NHSL1: variants seen among roughly 807,000 people sequenced by gnomAD.
The protein encoded by NHSL1 is NHS-like protein 1.
NHSL1 carries 48 observed loss-of-function variants against 95.0 expected under a neutral mutation model. That is an observed-to-expected ratio of 0.51 (90% CI 0.40 to 0.64). NHSL1 has a LOEUF of 0.64. Ranked by LOEUF, NHSL1 falls within the 30% of genes least tolerant of loss-of-function variation. The probability of loss-of-function intolerance (pLI) is 0.00; values close to 1 mark genes in which losing one functional copy is unlikely to be tolerated. For synonymous variants in NHSL1, 783 were observed against 833.9 expected (o/e 0.94, Z 1.05); for missense variants, 1,971 against 2,077.7 (o/e 0.95, Z 1.00).
upstream of NHSL1, among the ~76,000 whole-genome samples, chr6:138,574,969 A>G (rs34782517): frequency 0.028 from 4,223 of 152,208 alleles, 168 homozygotes; most frequent in African/African-American, 0.095. Flanking sequence ...GCGCAATCTC[A>G]GCTCATCACA....
At chr6:138,454,697 G>A (rs12527787) in intron 3 of NHSL1, among the ~76,000 whole-genome samples, 20,237 of 152,252 alleles carry the variant, frequency 0.13, 1,364 homozygotes, top group Middle Eastern at 0.17. Flanking sequence ...AATAAAAGGC[G>A]TTTTAATAAA....
intron 1 of NHSL1, among the ~76,000 whole-genome samples, chr6:138,515,948 C>G (rs546330000): frequency 1.3e-5 from 2 of 152,302 alleles, no homozygotes; most frequent in South Asian, 4.1e-4. Flanking sequence ...TCTCACAGTC[C>G]CAGGCAAGTC....
At chr6:138,492,373 T>C (rs1583296352) in intron 2 of NHSL1, among the ~76,000 whole-genome samples, 1 of 152,310 alleles carries the variant, frequency 6.6e-6, no homozygotes, top group Non-Finnish European at 1.5e-5. Flanking sequence ...AAGCTTGCAG[T>C]AGCAAACCTC....
chr6:138,681,160 G>A (rs1785506785), intron 1 of NHSL1, among the ~76,000 whole-genome samples: 1 of 152,086 alleles, frequency 6.6e-6, no homozygotes, highest in Non-Finnish European at 1.5e-5. Context: ...TTATATATAT[G>A]AATGAAGAAG....
chr6:138,674,495 G>A (rs563812420), intron 1 of NHSL1, among the ~76,000 whole-genome samples: 1 of 152,208 alleles, frequency 6.6e-6, no homozygotes, highest in South Asian at 2.1e-4. Context: ...ACAGGCCCCA[G>A]TAAGTGTTGT....
intron 1 of NHSL1, among the ~76,000 whole-genome samples, chr6:138,513,154 C>T (rs1313671584): frequency 5.3e-5 from 8 of 152,138 alleles, no homozygotes; most frequent in Non-Finnish European, 1.0e-4. Context: ...CCATGCAAAA[C>T]CAGCTGTTGT....
intron 1 of NHSL1, among the ~76,000 whole-genome samples, chr6:138,602,585 T>G (rs563867407): frequency 6.6e-6 from 1 of 152,258 alleles, no homozygotes; most frequent in East Asian, 1.9e-4. Context: ...CTGACGATCC[T>G]GCCCATCTCA....
chr6:138,571,645 T>C (rs150104397), intron 1 of NHSL1: 11 of 1,470,644 alleles, frequency 7.5e-6, no homozygotes, highest in South Asian at 1.3e-5. Context: ...GGGGGAGTGA[T>C]AGAAACAAAG....
At chr6:138,647,607 T>TA (rs1317156561) in intron 1 of NHSL1, among the ~76,000 whole-genome samples, 2 of 151,274 alleles carry the variant, frequency 1.3e-5, no homozygotes, top group East Asian at 3.9e-4. Context: ...TCTCACTTTT[T>TA]TTTTTTTTTT....
At chr6:138,454,250 C>A (rs1777438607) in intron 3 of NHSL1, among the ~76,000 whole-genome samples, 1 of 152,162 alleles carries the variant, frequency 6.6e-6, no homozygotes, top group South Asian at 2.1e-4. Context: ...TAGTATTATT[C>A]TCTTTGTGTT....
intron 3 of NHSL1, among the ~76,000 whole-genome samples, chr6:138,448,855 C>T (rs1195916475): frequency 6.6e-6 from 1 of 152,078 alleles, no homozygotes; most frequent in East Asian, 1.9e-4. Flanking sequence ...GAGCTTGAGA[C>T]CAGCCTGAGC....
intron 5 of NHSL1, 108 bp from the exon 6 acceptor site, chr6:138,433,788 T>A: frequency 7.2e-7 from 1 of 1,392,294 alleles, no homozygotes. Context: ...TCTATTTGAT[T>A]TAATTTCCTT....
intron 2 of NHSL1, among the ~76,000 whole-genome samples, chr6:138,476,734 A>C (rs1779095527): frequency 6.6e-6 from 1 of 152,148 alleles, no homozygotes; most frequent in African/African-American, 2.4e-5. Context: ...AGGCTGAGGC[A>C]GGAGAATTGC....
chr6:138,532,788 C>T (rs1429970263), intron 1 of NHSL1, among the ~76,000 whole-genome samples: 1 of 152,118 alleles, frequency 6.6e-6, no homozygotes, highest in Non-Finnish European at 1.5e-5. Flanking sequence ...AGAAATTTTA[C>T]TCACGGCTAA....
rs189261017 is a variant in NHSL1 at position 138,649,986 on chromosome 6, C to A, written c.96+42490G>T. Among the ~76,000 whole-genome samples, 275 of 152,304 alleles carry A rather than the reference C, an allele frequency of 1.8e-3. 3 individuals carry two copies. The highest frequency in any genetic ancestry group is 2.2e-3 in the Non-Finnish European group (149 of 68,020). On this transcript the variant is annotated intron_variant, in intron 1 of 3. Coordinates refer to the NHSL1 transcript ENST00000491526. ...AGGTATGGGGATTCTGCCAACTCCC[C>A]ATTTCTCCCAACCTTTCCCAGGTCT...
Position 138,431,366 on chromosome 6 carries a change from G to T in NHSL1, c.2979C>A (p.Pro993=). Residue 993 remains proline, a synonymous_variant, in exon 6 of 8, where the codon CCC becomes CCA. Transcript: ENST00000343505. The surrounding 1 kb of genome is among the most constrained non-coding windows in gnomAD (Gnocchi z 4.0). The part of the protein sequence containing the change: ...CSPPDWCLSP[P]RPALSPILPD... ...GAAGAATGGGGCTCAGTGCAGGGCG[G>T]GGAGGAGAAAGGCACCAATCAGGTG... is the stretch of plus-strand genomic sequence containing the variant. 3 of 1,546,102 alleles carry T rather than the reference G, an allele frequency of 1.9e-6. No homozygotes were observed. The highest frequency in any genetic ancestry group is 2.6e-6 in the Non-Finnish European group (3 of 1,144,752).
rs776884628 is a variant in NHSL1 at position 138,432,131 on chromosome 6, G to A, written c.2214C>T (p.Ser738=). The change falls in exon 6 of 8, where the codon AGC becomes AGT. Residue 738 remains serine (S), a synonymous_variant. Transcript: ENST00000343505. This position sits in a 1 kb window ranked among gnomAD's most constrained non-coding sequence, Gnocchi z 4.4. ...LEEPWLPRSR[S]QSTVSAGSSM... ...TGCTGCCAGCACTAACTGTGCTCTG[G>A]CTCCGGGAGCGGGGCAGCCAGGGCT... is the stretch of plus-strand genomic sequence containing the variant. 9.8e-5 allele frequency: 152 copies of A among 1,549,806 alleles called. No homozygotes were observed. In the East Asian group the frequency reaches 2.9e-3, roughly 29 times the overall value.
At chr6:138,478,714 G>A (rs1035746456) in intron 2 of NHSL1, among the ~76,000 whole-genome samples, 1 of 152,150 alleles carries the variant, frequency 6.6e-6, no homozygotes, top group Admixed American at 6.5e-5. Flanking sequence ...AAGACCAATC[G>A]TTCACACATA....
intron 1 of NHSL1, among the ~76,000 whole-genome samples, chr6:138,607,183 C>T (rs1051022121): frequency 2.0e-5 from 3 of 152,202 alleles, no homozygotes; most frequent in Admixed American, 6.5e-5. Flanking sequence ...ATTAGCATCA[C>T]GCCTGACACT....
Sources: allele counts gnomAD v4.1 joint callset (sites outside exome capture counted in the v4.1 genomes callset), GRCh38; gene constraint gnomAD v4.1.1; non-coding constraint Gnocchi (gnomAD v3.1); transcripts MANE v1.5; gene names NCBI Gene and HGNC (gene_info 2026-07-23, HGNC 2026-07-21).